Variants in STK32C observed in about 807,000 individuals in gnomAD.
STK32C encodes serine/threonine-protein kinase 32C.
STK32C carries 31 observed loss-of-function variants against 56.5 expected under a neutral mutation model. The observed-to-expected ratio is 0.55, with a 90% CI of 0.41 to 0.74. The LOEUF (loss-of-function observed/expected upper bound fraction) is 0.74, where lower values mean the gene tolerates loss of function less well. Ranked by LOEUF, STK32C falls within the 30% of genes least tolerant of loss-of-function variation. STK32C has a pLI of 0.00. For synonymous variants in STK32C, 309 were observed against 289.4 expected (o/e 1.07, Z -0.69); for missense variants, 544 against 676.9 (o/e 0.80, Z 2.18).
At chr10:132,328,492 G>A (rs902121723) in intron 1 of STK32C, among the ~76,000 whole-genome samples, 8 of 152,334 alleles carry the variant, frequency 5.3e-5, no homozygotes, top group African/African-American at 1.9e-4. Context: ...CCCCTAACCT[G>A]TAATGTCTAA....
rs768708967 is a variant in STK32C, at chr10:132,222,698, C to T, written c.1194G>A (p.Lys398=). 7.4e-6 allele frequency: 12 copies of T among 1,612,836 alleles called. No individual in the cohort carries two copies. In the Admixed American group the frequency reaches 1.7e-4, roughly 22 times the overall value. ...MILESRPLHK[K]KKRLAKNKSR... is the part of the protein sequence containing the mutation. ...ACTTGTTCTTGGCCAGACGCTTCTT[C>T]TTCTTGTGCAGGGGCCTGGACTCCA... The change falls in exon 10 of 12, where the codon AAG becomes AAA. Residue 398 remains lysine (K), a synonymous_variant. Transcript: ENST00000298630.
intron 1 of STK32C, among the ~76,000 whole-genome samples, chr10:132,289,126 A>G (rs1478687662): frequency 1.3e-5 from 2 of 152,224 alleles, no homozygotes; most frequent in East Asian, 1.9e-4. Flanking sequence ...ATAGACCCAA[A>G]CATACTGGTT....
At chr10:132,273,576 T>C (rs1008671741) in intron 1 of STK32C, among the ~76,000 whole-genome samples, 1 of 143,856 alleles carries the variant, frequency 7.0e-6, no homozygotes, top group Non-Finnish European at 1.5e-5. Context: ...ACATGGTGAG[T>C]GAATGAATAC....
At chr10:132,330,695 A>AG (rs2066660700) in intron 1 of STK32C, among the ~76,000 whole-genome samples, 1 of 88,254 alleles carries the variant, frequency 1.1e-5, no homozygotes, top group Non-Finnish European at 2.4e-5. Context: ...TTTTTTTTTA[A>AG]TTTTTGTAGA....
At chr10:132,245,441 G>A (rs574509012) in intron 2 of STK32C, among the ~76,000 whole-genome samples, 31 of 152,246 alleles carry the variant, frequency 2.0e-4, no homozygotes, top group Non-Finnish European at 4.1e-4. Flanking sequence ...GTAAAGGAAC[G>A]GGCTCCGTCC....
intron 1 of STK32C, among the ~76,000 whole-genome samples, chr10:132,275,917 C>A (rs998386130): frequency 6.6e-6 from 1 of 152,142 alleles, no homozygotes; most frequent in African/African-American, 2.4e-5. Flanking sequence ...AGGAAAACCC[C>A]CTCTGCCTAG....
At chr10:132,289,988 CATT>C (rs1376623952) in intron 1 of STK32C, among the ~76,000 whole-genome samples, 1 of 152,178 alleles carries the variant, frequency 6.6e-6, no homozygotes, top group Non-Finnish European at 1.5e-5. Context: ...TGGAAATGCC[CATT>C]ATTTGCCAAC....
At chr10:132,259,394 C>A (rs1420091816) in intron 1 of STK32C, among the ~76,000 whole-genome samples, 1 of 152,182 alleles carries the variant, frequency 6.6e-6, no homozygotes, top group Non-Finnish European at 1.5e-5. Flanking sequence ...TGGGAGGTGA[C>A]TGGGTCAACG....
chr10:132,243,321 T>C (rs1008446738), intron 2 of STK32C, among the ~76,000 whole-genome samples: 2 of 152,286 alleles, frequency 1.3e-5, no homozygotes, highest in South Asian at 4.1e-4. Context: ...CCGCAGCCTC[T>C]GGAACCCCGG....
At chr10:132,260,468 C>T (rs1014901550) in intron 1 of STK32C, among the ~76,000 whole-genome samples, 4 of 152,348 alleles carry the variant, frequency 2.6e-5, no homozygotes, top group Non-Finnish European at 4.4e-5. Flanking sequence ...CAAGCCCCAG[C>T]GCCCTCCCAT....
chr10:132,256,770 C>T (rs2064139293), intron 1 of STK32C, among the ~76,000 whole-genome samples: 1 of 152,226 alleles, frequency 6.6e-6, no homozygotes, highest in African/African-American at 2.4e-5. Context: ...TCCAAGGCCG[C>T]CTGGCCCTGC....
chr10:132,322,229 A>G (rs77471496), downstream of STK32C, among the ~76,000 whole-genome samples: 145 of 152,266 alleles, frequency 9.5e-4, no homozygotes, highest in African/African-American at 3.4e-3. Context: ...CTATTGGTTT[A>G]TATCTTTTTA....
intron 2 of STK32C, among the ~76,000 whole-genome samples, chr10:132,242,294 G>A (rs1022235960): frequency 1.3e-5 from 2 of 152,138 alleles, no homozygotes; most frequent in African/African-American, 2.4e-5. Flanking sequence ...AAGGCACCCA[G>A]GACACGGGAC....
Position 132,326,127 on chromosome 10 carries a change from A to C in STK32C, c.302-1754T>G, listed in dbSNP as rs143120520. On this transcript the variant is annotated intron_variant, in intron 1 of 1. Transcript: ENST00000368619. ...TCTCTTCAGGATCGGGGAGGCCTGG[A>C]AGGGTAAAGATCCAGTTATGTTAGA... Among the ~76,000 whole-genome samples the C allele has an allele frequency of 1.3e-4, 20 of 152,326 alleles. No individual in the cohort carries two copies. The East Asian group carries it at 3.7e-3, about 28-fold the overall frequency.
intron 2 of STK32C, among the ~76,000 whole-genome samples, chr10:132,230,691 G>GGT (rs1554977878): frequency 1.5e-5 from 2 of 137,794 alleles, no homozygotes; most frequent in Non-Finnish European, 3.2e-5. Context: ...GGGGGGGGGG[G>GGT]GCTGCAGAGC....
At position 132,226,844 on chromosome 10, in the gene STK32C, C is replaced by A; in HGVS notation, c.595G>T (p.Glu199Ter). Residue 199 changes from glutamate (E) to a stop codon, truncating the protein, a stop_gained, in exon 4 of 12, where the codon GAG becomes TAG. Coordinates refer to ENST00000298630, the MANE Select transcript of STK32C (RefSeq NM_173575.4). LOFTEE classifies it high-confidence loss of function. The part of the protein sequence containing the change: ...SEDTVRLYIC[E>*]MALALDYLRG... The stretch of plus-strand genomic sequence containing the variant: ...AGGTAGTCCAGAGCCAGTGCCATCT[C>A]GCAGATGTACAGCCTCACCGTGTCC... 6.2e-7 allele frequency: 1 copy of A among 1,613,356 alleles called. No homozygotes were observed. The highest frequency in any genetic ancestry group is 8.5e-7 in the Non-Finnish European group (1 of 1,180,040).
intron 1 of STK32C, chr10:132,249,142 G>A (rs1046948643): frequency 9.1e-6 from 4 of 441,940 alleles, no homozygotes; most frequent in East Asian, 7.1e-5. Context: ...GTCAGGGCGT[G>A]CAGGGGGCGG....
chr10:132,228,259 G>T, intron 2 of STK32C, 131 bp from the exon 3 acceptor site: 1 of 1,115,292 alleles, frequency 9.0e-7, no homozygotes, highest in Non-Finnish European at 1.4e-6. Flanking sequence ...ACGCGCCGCA[G>T]CCCCTCTGCC....
At chr10:132,239,568 G>A (rs964117987) in intron 2 of STK32C, among the ~76,000 whole-genome samples, 1 of 152,262 alleles carries the variant, frequency 6.6e-6, no homozygotes, top group African/African-American at 2.4e-5. Context: ...TGAGCGGGGT[G>A]GCCAGGCAGT....
Sources: gnomAD v4.1 joint callset for allele counts (sites outside exome capture counted in the v4.1 genomes callset) on GRCh38, gnomAD v4.1.1 for gene constraint, MANE v1.5 for transcripts, NCBI Gene and HGNC (gene_info 2026-07-23, HGNC 2026-07-21) for gene names.